ALX4: variants seen among roughly 807,000 people sequenced by gnomAD.
ALX4 encodes ALX homeobox 4.
A neutral mutation model predicts 40.6 loss-of-function variants in ALX4; 22 were observed. That is an observed-to-expected ratio of 0.54 (90% CI 0.39 to 0.77). ALX4 has a LOEUF of 0.77. ALX4 is among the 30% of genes least tolerant of loss of function. The probability of loss-of-function intolerance (pLI) is 0.00; values close to 1 mark genes in which losing one functional copy is unlikely to be tolerated. For missense variants in ALX4, 556 were observed against 564.8 expected (o/e 0.98, Z 0.16); for synonymous variants, 266 against 240.5 (o/e 1.11, Z -0.98).
chr11:44,280,166 C>T (rs1174155472), intron 1 of ALX4, among the ~76,000 whole-genome samples: 2 of 152,154 alleles, frequency 1.3e-5, no homozygotes, highest in Admixed American at 6.5e-5. Context: ...AAGGTCACTG[C>T]GGGAGACAGG....
chr11:44,287,172 C>T (rs960181690), intron 1 of ALX4, among the ~76,000 whole-genome samples: 1 of 152,248 alleles, frequency 6.6e-6, no homozygotes, highest in East Asian at 1.9e-4. Context: ...GAAGCTCTCT[C>T]AGTTCTTCCT....
chr11:44,267,538 C>A lies in ALX4; in HGVS notation c.862G>T (p.Ala288Ser), dbSNP rs1180005375. 1 of 1,614,176 alleles carries A rather than the reference C, an allele frequency of 6.2e-7. No individual in the cohort carries two copies. The highest frequency in any genetic ancestry group is 8.5e-7 in the Non-Finnish European group (1 of 1,180,034). ...MQQVRTHFST[A>S]YELPLLTRAE... ...CGGGTGAGGAGGGGCAGCTCATATG[C>A]AGTGGAGAAGTGGGTTCGAACCTGC... Residue 288 changes from alanine to serine, a missense_variant, in exon 3 of 4, where the codon GCA becomes TCA. Physicochemically the swap from Ala to Ser is moderately conservative, Grantham distance 99. Transcript: ENST00000652299.
At chr11:44,272,567 A>G (rs1406065408) in intron 2 of ALX4, among the ~76,000 whole-genome samples, 1 of 151,772 alleles carries the variant, frequency 6.6e-6, no homozygotes, top group Non-Finnish European at 1.5e-5. Flanking sequence ...GCACTTTGGG[A>G]GACCAAAGCA....
At position 44,303,788 on chromosome 11, in the gene ALX4, T is replaced by A. The variant is rs1444937264; in HGVS notation, c.466+5809A>T. Among the ~76,000 whole-genome samples, 3 of 152,202 alleles carry A rather than the reference T, an allele frequency of 2.0e-5. No individual in the cohort carries two copies. In the South Asian group the frequency reaches 6.2e-4, roughly 32 times the overall value. Reference sequence around the variant, plus strand: ...TTTCCTGGACACAGTGGAAGCTTCTTCCGCATCACCAAATTTTTGTCATCC... The same window carrying A: ...TTTCCTGGACACAGTGGAAGCTTCTACCGCATCACCAAATTTTTGTCATCC... On this transcript the variant is annotated intron_variant, in intron 1 of 3. Coordinates refer to ENST00000652299, the MANE Select transcript of ALX4 (RefSeq NM_021926.4).
rs71035685 is a variant in ALX4 at position 44,309,180 on chromosome 11, T to TCGCAGCCCCGCAGCCC, written c.466+401_466+416dup. Among the ~76,000 whole-genome samples the TCGCAGCCCCGCAGCCC allele has an allele frequency of 8.8e-3, 1,220 of 138,570 alleles. 42 individuals are homozygous for TCGCAGCCCCGCAGCCC. The highest frequency in any genetic ancestry group is 0.03 in the African/African-American group (1,135 of 37,932). The allele number at this position is 138,570 out of a possible 152,430, so 90.9% of individuals were successfully genotyped here. A position where few individuals can be genotyped will look rare whatever the true frequency, so the allele number is the denominator to read the frequency against. On this transcript the variant is annotated intron_variant, in intron 1 of 3. Coordinates refer to ENST00000652299, the MANE Select transcript of ALX4 (RefSeq NM_021926.4). ...CCCGCAGCCCCGCAGCCCCGCAGCC[T>TCGCAGCCCCGCAGCCC]CGCAGCCCCGCAGCCCCGCAGCCCC...
In ALX4 at chr11:44,298,785, GA is replaced by G. The variant is rs1158684323; in HGVS notation, c.466+10811del. Among the ~76,000 whole-genome samples, 4 of 50,312 alleles carry G rather than the reference GA, an allele frequency of 8.0e-5. 1 individual carries two copies. Among genetic ancestry groups the G allele is most frequent in the Non-Finnish European group, 1.7e-4 (4 of 23,224 alleles). The allele number at this position is 50,312 out of a possible 152,430, so 33.0% of individuals were successfully genotyped here. A position where few individuals can be genotyped will look rare whatever the true frequency, so the allele number is the denominator to read the frequency against. ...GCCTCGCTGCTCCTACACCCCACAG[GA>G]AACCCTGCAAAAAAAAAAAAATCAA... is the stretch of plus-strand genomic sequence containing the variant. On this transcript the variant is annotated intron_variant, in intron 1 of 3. Transcript: ENST00000652299.
At position 44,264,768 on chromosome 11, in the gene ALX4, G is replaced by T; in HGVS notation, c.*86C>A. The T allele has an allele frequency of 6.7e-7, 1 of 1,494,902 alleles. No individual in the cohort carries two copies. Among genetic ancestry groups the T allele is most frequent in the Non-Finnish European group, 9.1e-7 (1 of 1,098,430 alleles). The allele number at this position is 1,494,902 out of a possible 1,614,324, so 92.6% of individuals were successfully genotyped here. On this transcript the variant is annotated 3_prime_UTR_variant, in exon 4 of 4. Coordinates refer to ENST00000652299, the MANE Select transcript of ALX4 (RefSeq NM_021926.4). ...CCTGGCCCAGGCCAGGTTCCTAAGAGGAAAGTCGAGTGGGAGGCTGGGGGC... is the reference window on the plus strand; with the variant it reads ...CCTGGCCCAGGCCAGGTTCCTAAGATGAAAGTCGAGTGGGAGGCTGGGGGC...
chr11:44,307,662 C>T (rs1368783811), intron 1 of ALX4, among the ~76,000 whole-genome samples: 1 of 152,262 alleles, frequency 6.6e-6, no homozygotes, highest in Non-Finnish European at 1.5e-5. Context: ...AGTCTGCGAC[C>T]TGCCCTCACC....
chr11:44,281,671 G>A (rs542460677), intron 1 of ALX4, among the ~76,000 whole-genome samples: 176 of 152,106 alleles, frequency 1.2e-3, no homozygotes, highest in Non-Finnish European at 1.5e-3. Flanking sequence ...CTGTCCAAAC[G>A]GTCCTGTGGG....
At position 44,264,584 on chromosome 11, in the gene ALX4, C is replaced by G; in HGVS notation, c.*270G>C. ...CTTTCAGCTTATCATGGATGCGAAG[C>G]TGAAAAACGTGGCCACCTGGCTTTC... On this transcript the variant is annotated 3_prime_UTR_variant, in exon 4 of 4. Transcript: ENST00000652299. 1 of 565,736 alleles carries G rather than the reference C, an allele frequency of 1.8e-6. No homozygotes were observed. Among genetic ancestry groups the G allele is most frequent in the Non-Finnish European group, 3.2e-6 (1 of 316,770 alleles). 35.0% of individuals were successfully genotyped at this position (565,736 alleles called of 1,614,324 possible).
chr11:44,266,629 G>A (rs1956215398), intron 3 of ALX4, among the ~76,000 whole-genome samples: 2 of 152,312 alleles, frequency 1.3e-5, no homozygotes, highest in African/African-American at 2.4e-5. Flanking sequence ...GGCCAGGTTG[G>A]GAGCTGAGGT....
intron 2 of ALX4, among the ~76,000 whole-genome samples, chr11:44,269,902 A>G (rs1374927485): frequency 1.3e-5 from 2 of 151,558 alleles, no homozygotes; most frequent in Non-Finnish European, 2.9e-5. Context: ...TCTGTGGGGG[A>G]AGCTGGGGGG....
Position 44,263,882 on chromosome 11 carries a change from G to C in ALX4, c.*972C>G, listed in dbSNP as rs151214135. On this transcript the variant is annotated 3_prime_UTR_variant, in exon 4 of 4. Transcript: ENST00000652299. ...GGCCAGGGTAGGGCAGGGAAGAGAC[G>C]AGCCCCTCCGCATCCTCCTGGAGGG... 6.6e-6 allele frequency: 1 copy of C among 152,344 alleles called. No individual in the cohort carries two copies. Among genetic ancestry groups the C allele is most frequent in the East Asian group, 1.9e-4 (1 of 5,174 alleles). The allele number at this position is 152,344 out of a possible 1,614,324, so 9.4% of individuals were successfully genotyped here. A position where few individuals can be genotyped will look rare whatever the true frequency, so the allele number is the denominator to read the frequency against.
chr11:44,272,869 A>G (rs1263255954), intron 2 of ALX4, among the ~76,000 whole-genome samples: 1 of 152,174 alleles, frequency 6.6e-6, no homozygotes, highest in African/African-American at 2.4e-5. Context: ...CAGCAACTCA[A>G]CCGTGCAGCT....
At chr11:44,290,729 G>T (rs954560689) in intron 1 of ALX4, among the ~76,000 whole-genome samples, 1 of 152,248 alleles carries the variant, frequency 6.6e-6, no homozygotes, top group Non-Finnish European at 1.5e-5. Flanking sequence ...CCACCTTGTG[G>T]TTCTGCCACA....
chr11:44,260,872 C>T lies in ALX4; in HGVS notation c.*3982G>A, dbSNP rs905705859. 1.3e-5 allele frequency: 2 copies of T among 152,112 alleles called. No homozygotes were observed. Among genetic ancestry groups the T allele is most frequent in the Non-Finnish European group, 2.9e-5 (2 of 68,020 alleles). The allele number at this position is 152,112 out of a possible 1,614,324, so 9.4% of individuals were successfully genotyped here. ...TAAGTAACGGTTGAGGTTCATGTTC[C>T]TTCTAGCACTCAGCTTTCTTTTTTC... On this transcript the variant is annotated 3_prime_UTR_variant, in exon 4 of 4. Transcript: ENST00000652299.
intron 1 of ALX4, among the ~76,000 whole-genome samples, chr11:44,285,055 C>T (rs998824593): frequency 6.6e-6 from 1 of 152,116 alleles, no homozygotes; most frequent in Non-Finnish European, 1.5e-5. Context: ...ACCTCCGCCT[C>T]CCCGGTTCAA....
At position 44,265,137 on chromosome 11, in the gene ALX4, A is replaced by G; in HGVS notation, c.953T>C (p.Val318Ala). 1 of 1,608,364 alleles carries G rather than the reference A, an allele frequency of 6.2e-7. No individual in the cohort carries two copies. The highest frequency in any genetic ancestry group is 8.5e-7 in the Non-Finnish European group (1 of 1,176,664). Residue 318 changes from valine (V) to alanine (A), a missense_variant, in exon 4 of 4, where the codon GTG becomes GCG. By Grantham distance (64) the Val-to-Ala change is moderately conservative (BLOSUM62 0). Coordinates refer to ENST00000652299, the MANE Select transcript of ALX4 (RefSeq NM_021926.4). ...WLGNNGAASP[V>A]PACVVPCDPV... The stretch of plus-strand genomic sequence containing the variant: ...GTCGCAGGGGACCACGCAGGCTGGC[A>G]CTGGTGAGGCAGCCCCGTTGTTGCC...
chr11:44,292,821 C>T (rs960059404), intron 1 of ALX4, among the ~76,000 whole-genome samples: 3 of 151,970 alleles, frequency 2.0e-5, no homozygotes, highest in Non-Finnish European at 2.9e-5. Flanking sequence ...TTTGGCCCCG[C>T]ATGGTAGCTC....
Sources: allele counts gnomAD v4.1 joint callset (sites outside exome capture counted in the v4.1 genomes callset), GRCh38; gene constraint gnomAD v4.1.1; transcripts MANE v1.5; gene names NCBI Gene and HGNC (gene_info 2026-07-23, HGNC 2026-07-21).